The following UBR3 variants were observed in gnomAD, a reference collection of about 807,000 sequenced individuals.
The protein encoded by UBR3 is E3 ubiquitin-protein ligase UBR3.
UBR3 carries 85 observed loss-of-function variants against 243.2 expected under a neutral mutation model. That is an observed-to-expected ratio of 0.35 (90% CI 0.29 to 0.42). UBR3 has a LOEUF of 0.42. Among genes scored for constraint, UBR3 ranks in the 10% least tolerant of loss-of-function variants. UBR3 has a pLI of 1.00. For missense variants in UBR3, 1,686 were observed against 2,300.8 expected (o/e 0.73, Z 5.47); for synonymous variants, 748 against 799.8 (o/e 0.94, Z 1.09).
At chr2:169,850,434 C>G (rs2082619290) in intron 1 of UBR3, among the ~76,000 whole-genome samples, 1 of 152,184 alleles carries the variant, frequency 6.6e-6, no homozygotes, top group Non-Finnish European at 1.5e-5. Flanking sequence ...CCGTCTCCTC[C>G]TACCAAAGTG....
rs372445766 is a variant in UBR3 at position 169,996,063 on chromosome 2, T to C, written c.3918+1607T>C. Among the ~76,000 whole-genome samples, 24 of 152,290 alleles carry C rather than the reference T, an allele frequency of 1.6e-4. No homozygotes were observed. In the East Asian group the frequency reaches 2.7e-3, roughly 17 times the overall value. ...AACTTCTTTCTTGCCCATAAATCCA[T>C]TGGTTGAAGTGGAAGAAATTAGTAA... On this transcript the variant is annotated intron_variant, in intron 26 of 38. Transcript: ENST00000272793.
intron 23 of UBR3, among the ~76,000 whole-genome samples, chr2:169,952,732 A>C (rs1472879212): frequency 1.3e-5 from 2 of 152,112 alleles, no homozygotes; most frequent in Admixed American, 1.3e-4. Context: ...ATATTAATAT[A>C]TGCAAAAGCT....
chr2:169,998,421 T>G (rs1299336749), intron 26 of UBR3, among the ~76,000 whole-genome samples: 2 of 152,230 alleles, frequency 1.3e-5, no homozygotes, highest in African/African-American at 4.8e-5. Flanking sequence ...TGTGAGATTT[T>G]TATTCCTACA....
intron 30 of UBR3, among the ~76,000 whole-genome samples, chr2:170,027,898 G>A (rs116148364): frequency 0.016 from 2,428 of 151,804 alleles, 42 homozygotes; most frequent in Middle Eastern, 0.031. Context: ...CATAAAAACT[G>A]GAAATTTGGG....
chr2:169,905,437 T>A, intron 9 of UBR3, 144 bp downstream of exon 9: 2 of 577,210 alleles, frequency 3.5e-6, no homozygotes, highest in Non-Finnish European at 5.3e-6. Flanking sequence ...GTAAGTACTT[T>A]AATAAATTGT....
At chr2:169,923,428 G>T (rs2085782199) in intron 11 of UBR3, among the ~76,000 whole-genome samples, 1 of 152,150 alleles carries the variant, frequency 6.6e-6, no homozygotes, top group African/African-American at 2.4e-5. Context: ...GAGAATATTA[G>T]TAGCTCCTAC....
intron 5 of UBR3, among the ~76,000 whole-genome samples, chr2:169,885,960 C>T (rs2084078167): frequency 6.6e-6 from 1 of 152,030 alleles, no homozygotes; most frequent in African/African-American, 2.4e-5. Flanking sequence ...AGATCGAGAT[C>T]AGCCTGGCCA....
At chr2:170,034,525 A>G (rs2090772797) in intron 31 of UBR3, among the ~76,000 whole-genome samples, 1 of 152,000 alleles carries the variant, frequency 6.6e-6, no homozygotes, top group Non-Finnish European at 1.5e-5. Flanking sequence ...TTTCTATATA[A>G]TAGAAATAAC....
intron 5 of UBR3, among the ~76,000 whole-genome samples, chr2:169,890,551 A>ATATG (rs1410379271): frequency 7.1e-4 from 72 of 101,886 alleles, no homozygotes; most frequent in Middle Eastern, 4.5e-3. Context: ...ATATATATAT[A>ATATG]TATATATATA....
intron 24 of UBR3, among the ~76,000 whole-genome samples, chr2:169,985,224 CTTT>C (rs71006060): frequency 2.7e-5 from 3 of 113,100 alleles, no homozygotes; most frequent in Admixed American, 2.0e-4. Flanking sequence ...CAACTCTTTT[CTTT>C]TTTTTTTTTT....
chr2:169,925,138 A>G (rs1168344160), intron 13 of UBR3, among the ~76,000 whole-genome samples: 1 of 152,228 alleles, frequency 6.6e-6, no homozygotes, highest in Non-Finnish European at 1.5e-5. Context: ...CTAACCTCCA[A>G]TATTTGGAAA....
At chr2:169,935,227 G>A (rs994672218) in intron 19 of UBR3, among the ~76,000 whole-genome samples, 6 of 152,088 alleles carry the variant, frequency 3.9e-5, no homozygotes, top group Non-Finnish European at 7.4e-5. Context: ...GTGCAGTGGC[G>A]TGATCATAGC....
intron 21 of UBR3, among the ~76,000 whole-genome samples, chr2:169,946,865 G>C (rs564283244): frequency 8.5e-5 from 13 of 152,136 alleles, no homozygotes; most frequent in African/African-American, 3.1e-4. Context: ...TCCTGTAAAG[G>C]TTTGAAGGTA....
chr2:170,017,522 GACACACACACACACACACACACAGACAC>G (rs1427988865), intron 30 of UBR3, among the ~76,000 whole-genome samples: 31 of 145,136 alleles, frequency 2.1e-4, no homozygotes, highest in African/African-American at 7.2e-4. Flanking sequence ...TATAATTACG[GACACACACACACACACACACACAGACAC>G]ACACACACAC....
chr2:170,015,422 G>T, intron 30 of UBR3, 56 bp downstream of exon 30: 1 of 1,396,810 alleles, frequency 7.2e-7, no homozygotes, highest in South Asian at 1.2e-5. Context: ...TGGAAGCATT[G>T]ACAGGAAAAG....
At chr2:170,047,476 A>G (rs1279996696) in intron 32 of UBR3, among the ~76,000 whole-genome samples, 1 of 152,152 alleles carries the variant, frequency 6.6e-6, no homozygotes, top group African/African-American at 2.4e-5. Flanking sequence ...TTAATTACTT[A>G]TATATTATCC....
chr2:169,829,282 A>G (rs1433877386), intron 1 of UBR3, among the ~76,000 whole-genome samples: 1 of 152,198 alleles, frequency 6.6e-6, no homozygotes, highest in Non-Finnish European at 1.5e-5. Context: ...GTAGAAAGTA[A>G]TAAATTCCTT....
Position 170,040,875 on chromosome 2 carries a change from C to G in UBR3, c.4557-7C>G, listed in dbSNP as rs762698983. The G allele has an allele frequency of 6.2e-7, 1 of 1,609,344 alleles. No homozygotes were observed. The highest frequency in any genetic ancestry group is 8.5e-7 in the Non-Finnish European group (1 of 1,176,650). On this transcript the variant is annotated splice_region_variant and splice_polypyrimidine_tract_variant and intron_variant, in intron 31 of 38. Transcript: ENST00000272793. ...TACTATGTAAAGTGACTACATTTTT[C>G]TTTTAGGCTGGGATATGAAGAACAA...
At chr2:169,985,159 T>G (rs2088939451) in intron 24 of UBR3, among the ~76,000 whole-genome samples, 2 of 152,080 alleles carry the variant, frequency 1.3e-5, no homozygotes. Flanking sequence ...CAATTTCTTT[T>G]TTCTGCATGG....
Sources: allele counts gnomAD v4.1 joint callset (sites outside exome capture counted in the v4.1 genomes callset), GRCh38; gene constraint gnomAD v4.1.1; transcripts MANE v1.5; gene names NCBI Gene and HGNC (gene_info 2026-07-23, HGNC 2026-07-21).